Variants in ATF3 observed in about 807,000 individuals in gnomAD.
The protein encoded by ATF3 is cyclic AMP-dependent transcription factor ATF-3.
ATF3 carries 10 observed loss-of-function variants against 18.4 expected under a neutral mutation model. That is an observed-to-expected ratio of 0.54 (90% CI 0.34 to 0.92). The LOEUF is 0.92. Among genes scored for constraint, ATF3 ranks in the 40% least tolerant of loss-of-function variants. ATF3 has a pLI of 0.02. For missense variants in ATF3, 183 were observed against 222.3 expected (o/e 0.82, Z 1.12); for synonymous variants, 78 against 87.9 (o/e 0.89, Z 0.63).
At chr1:212,579,086 A>G (rs961267496) in intron 1 of ATF3, among the ~76,000 whole-genome samples, 2 of 142,224 alleles carry the variant, frequency 1.4e-5, no homozygotes, top group Non-Finnish European at 3.0e-5. Flanking sequence ...ATCTCAGCTC[A>G]CTGCAACCTT....
At chr1:212,592,220 A>G (rs4951624) in intron 1 of ATF3, among the ~76,000 whole-genome samples, 40,926 of 152,044 alleles carry the variant, frequency 0.27, 6,126 homozygotes, top group African/African-American at 0.41. Context: ...TGACCATTCC[A>G]GACACTTCAT....
At chr1:212,597,888 A>G (rs909254059) in intron 1 of ATF3, among the ~76,000 whole-genome samples, 2 of 152,190 alleles carry the variant, frequency 1.3e-5, no homozygotes, top group Admixed American at 1.3e-4. Flanking sequence ...AAACAATTTT[A>G]TTCTTTCCTG....
intron 1 of ATF3, among the ~76,000 whole-genome samples, chr1:212,574,307 C>T (rs1488349501): frequency 1.3e-5 from 2 of 151,660 alleles, no homozygotes; most frequent in East Asian, 3.9e-4. Context: ...ACTTTAATTT[C>T]TGTTTTAATT....
intron 1 of ATF3, among the ~76,000 whole-genome samples, chr1:212,567,348 T>A (rs1664403648): frequency 6.6e-6 from 1 of 152,182 alleles, no homozygotes; most frequent in South Asian, 2.1e-4. Flanking sequence ...TACACGGCAG[T>A]GGGCATTTCA....
intron 1 of ATF3, among the ~76,000 whole-genome samples, chr1:212,582,949 A>C (rs1664711372): frequency 6.6e-6 from 1 of 151,910 alleles, no homozygotes; most frequent in South Asian, 2.1e-4. Context: ...CTTGGATTCC[A>C]ATCCAGGTCT....
chr1:212,609,192 G>T (rs999826373), intron 1 of ATF3, among the ~76,000 whole-genome samples: 3 of 152,364 alleles, frequency 2.0e-5, no homozygotes, highest in South Asian at 2.1e-4. Context: ...CGGAGGTCGG[G>T]CGTCCACTCT....
intron 1 of ATF3, among the ~76,000 whole-genome samples, chr1:212,568,277 G>A (rs1664418801): frequency 6.6e-6 from 1 of 152,034 alleles, no homozygotes. Flanking sequence ...TAAACAAATT[G>A]GTTATTATTT....
chr1:212,593,367 T>C (rs1414234002), intron 1 of ATF3, among the ~76,000 whole-genome samples: 6 of 151,200 alleles, frequency 4.0e-5, no homozygotes, highest in Non-Finnish European at 7.4e-5. Context: ...GTGCAGCACA[T>C]CAACATGGTA....
At chr1:212,607,916 A>G (rs1654691129), upstream of ATF3, among the ~76,000 whole-genome samples, 1 of 151,890 alleles carries the variant, frequency 6.6e-6, no homozygotes, top group South Asian at 2.1e-4. Flanking sequence ...TGTAAAAAAA[A>G]AAAAATCGAA....
At chr1:212,577,600 G>A (rs1664605487) in intron 1 of ATF3, among the ~76,000 whole-genome samples, 2 of 139,854 alleles carry the variant, frequency 1.4e-5, no homozygotes, top group Non-Finnish European at 3.1e-5. Context: ...CTCAGCTCTC[G>A]GTAACCACCA....
At position 212,618,706 on chromosome 1, in the gene ATF3, TC is replaced by T. The variant is rs1412019294; in HGVS notation, c.348+473del. On this transcript the variant is annotated intron_variant, in intron 3 of 3. Coordinates refer to ENST00000341491, the MANE Select transcript of ATF3 (RefSeq NM_001674.4). The surrounding 1 kb of genome is among the most constrained non-coding windows in gnomAD (Gnocchi z 4.4). ...GTCTGGTTCCTAACTCTAGAGCCCT[TC>T]TCCCTGGCTTAGCCAGTAAGCTGAG... is the stretch of plus-strand genomic sequence containing the variant. The T allele has an allele frequency of 1.5e-5, 7 of 459,968 alleles. No homozygotes were observed. Among genetic ancestry groups the T allele is most frequent in the Non-Finnish European group, 2.8e-5 (7 of 250,522 alleles). 28.5% of individuals were successfully genotyped at this position (459,968 alleles called of 1,614,324 possible).
chr1:212,589,385 A>C (rs1664840206), intron 1 of ATF3, among the ~76,000 whole-genome samples: 3 of 152,258 alleles, frequency 2.0e-5, no homozygotes, highest in African/African-American at 7.2e-5. Context: ...TCCTCAGCTA[A>C]TGTACTAGGG....
upstream of ATF3, among the ~76,000 whole-genome samples, chr1:212,603,844 C>G (rs1654551726): frequency 6.6e-6 from 1 of 151,248 alleles, no homozygotes; most frequent in Non-Finnish European, 1.5e-5. Context: ...TATAATAAGA[C>G]ATATTTTTAA....
chr1:212,590,290 C>A lies in ATF3; in HGVS notation c.-4-24728C>A, dbSNP rs182744281. 1.7e-3 allele frequency among the ~76,000 whole-genome samples: 258 copies of A among 151,004 alleles called. 2 individuals are homozygous for A. Among genetic ancestry groups the A allele is most frequent in the African/African-American group, 6.1e-3 (250 of 41,122 alleles). On this transcript the variant is annotated intron_variant, in intron 1 of 3. Transcript: ENST00000366981. ...AATGGGAAAAATTTGAGACACAATA[C>A]CAATACTTAGGATTTTGGTCTTGGT... is the stretch of plus-strand genomic sequence containing the variant.
intron 1 of ATF3, among the ~76,000 whole-genome samples, chr1:212,570,613 C>T (rs972765709): frequency 6.6e-6 from 1 of 152,158 alleles, no homozygotes; most frequent in Non-Finnish European, 1.5e-5. Context: ...TGTTCTCTCC[C>T]AGCTGGTCCT....
intron 1 of ATF3, chr1:212,613,789 T>A (rs1027663158): frequency 6.6e-6 from 1 of 152,216 alleles, no homozygotes; most frequent in East Asian, 1.9e-4. Flanking sequence ...CTGGAGGGAG[T>A]ACACAGCAGG....
intron 1 of ATF3, among the ~76,000 whole-genome samples, chr1:212,568,737 G>C (rs1664427348): frequency 6.6e-6 from 1 of 152,070 alleles, no homozygotes; most frequent in African/African-American, 2.4e-5. Flanking sequence ...TCTCCGATGG[G>C]GGTAAATACA....
chr1:212,598,259 T>C (rs1266028149), intron 1 of ATF3, among the ~76,000 whole-genome samples: 1 of 152,234 alleles, frequency 6.6e-6, no homozygotes, highest in East Asian at 1.9e-4. Flanking sequence ...TGTTGTTTAT[T>C]TATAGCTTTT....
At chr1:212,586,276 A>T (rs1664778792) in intron 1 of ATF3, among the ~76,000 whole-genome samples, 1 of 152,176 alleles carries the variant, frequency 6.6e-6, no homozygotes, top group South Asian at 2.1e-4. Flanking sequence ...CTGGGGAAGG[A>T]GGACACACAC....
Sources: gnomAD v4.1 joint callset for allele counts (sites outside exome capture counted in the v4.1 genomes callset) on GRCh38, gnomAD v4.1.1 for gene constraint, Gnocchi (gnomAD v3.1) non-coding constraint, MANE v1.5 for transcripts, NCBI Gene and HGNC (gene_info 2026-07-23, HGNC 2026-07-21) for gene names.